Variants in ZNF516 observed in about 807,000 individuals in gnomAD.
ZNF516 encodes zinc finger protein 516.
Under a neutral mutation model 79.7 loss-of-function variants are expected in ZNF516, and 19 were observed. The ratio of observed to expected loss-of-function variants is 0.24; its 90% CI spans 0.17 to 0.35. The LOEUF (loss-of-function observed/expected upper bound fraction) is 0.35, where lower values mean the gene tolerates loss of function less well. Ranked by LOEUF, ZNF516 falls within the 10% of genes least tolerant of loss-of-function variation. ZNF516 has a pLI of 1.00. For synonymous variants in ZNF516, 877 were observed against 739.5 expected, an observed-to-expected ratio of 1.19 and a Z score of -3.02; for missense variants, 1,678 against 1,679.5, an observed-to-expected ratio of 1.00 and a Z score of 0.02.
chr18:76,395,572 C>T (rs1469204712), intron 3 of ZNF516, among the ~76,000 whole-genome samples: 2 of 152,094 alleles, frequency 1.3e-5, no homozygotes, highest in African/African-American at 4.8e-5. Context: ...GGGGCAGGTA[C>T]GGAATTCTGG....
At chr18:76,456,343 G>A (rs1912722529) in intron 2 of ZNF516, among the ~76,000 whole-genome samples, 1 of 152,208 alleles carries the variant, frequency 6.6e-6, no homozygotes, top group South Asian at 2.1e-4. Flanking sequence ...AAGCACGCTG[G>A]AGACCTTGCT....
chr18:76,387,716 G>C (rs1282943030), intron 3 of ZNF516: 1 of 152,304 alleles, frequency 6.6e-6, no homozygotes, highest in African/African-American at 2.4e-5. Context: ...ACAGAGGTCA[G>C]CTGGGAGCAG....
chr18:76,410,852 G>A (rs2075365473), intron 3 of ZNF516, among the ~76,000 whole-genome samples: 1 of 152,106 alleles, frequency 6.6e-6, no homozygotes. Flanking sequence ...CAAGATCTCA[G>A]GTTATAGCCA....
At position 76,441,838 on chromosome 18, in the gene ZNF516, C is replaced by T. The variant is rs1196778624; in HGVS notation, c.1217G>A (p.Arg406Gln). The change falls in exon 3 of 7, where the codon CGG becomes CAG. Residue 406 changes from arginine (R) to glutamine (Q), a missense_variant. Around this residue, in one of 5 missense-constraint regions of ZNF516, gnomAD observed 1,294 missense variants for 1,248.3 expected, o/e 1.04. Coordinates refer to ENST00000443185, the MANE Select transcript of ZNF516 (RefSeq NM_014643.4). ...GTTGACCGGGTCCAGCTCAGCCACC[C>T]GCCGTCCGGCCTGCGTGCCAGGGCA... Reference protein sequence around the residue: ...DSCPGTQAGRRVAELDPVNSY... With the variant: ...DSCPGTQAGRQVAELDPVNSY... 1.9e-6 allele frequency: 3 copies of T among 1,568,926 alleles called. No homozygotes were observed. The highest frequency in any genetic ancestry group is 2.6e-6 in the Non-Finnish European group (3 of 1,164,370).
At chr18:76,374,481 G>C (rs1267015279) in intron 4 of ZNF516, among the ~76,000 whole-genome samples, 1 of 152,176 alleles carries the variant, frequency 6.6e-6, no homozygotes, top group Non-Finnish European at 1.5e-5. Context: ...AGAGTTTTTA[G>C]ACTCTTCATA....
At chr18:76,431,651 G>A (rs796813361) in intron 3 of ZNF516, among the ~76,000 whole-genome samples, 9 of 152,274 alleles carry the variant, frequency 5.9e-5, no homozygotes, top group African/African-American at 1.7e-4. Flanking sequence ...CTGAGTTCAC[G>A]CGAGATCTGG....
intron 3 of ZNF516, among the ~76,000 whole-genome samples, chr18:76,405,456 C>T (rs1273165892): frequency 2.0e-5 from 3 of 152,158 alleles, no homozygotes; most frequent in Non-Finnish European, 4.4e-5. Context: ...CGGCAGGAGA[C>T]TCCGCAGTGC....
At chr18:76,424,382 T>C (rs1442107435) in intron 3 of ZNF516, among the ~76,000 whole-genome samples, 5 of 87,162 alleles carry the variant, frequency 5.7e-5, no homozygotes, top group African/African-American at 1.5e-4. Flanking sequence ...GGTGAAAGGG[T>C]CCCCCCCGAA....
chr18:76,367,516 T>C (rs560186723), intron 6 of ZNF516, among the ~76,000 whole-genome samples: 61 of 152,336 alleles, frequency 4.0e-4, no homozygotes, highest in South Asian at 1.9e-3. Flanking sequence ...CCACCCACTC[T>C]GGCTCTCCCT....
At chr18:76,408,415 G>A (rs934234573) in intron 3 of ZNF516, among the ~76,000 whole-genome samples, 8 of 152,244 alleles carry the variant, frequency 5.3e-5, no homozygotes, top group Admixed American at 6.5e-5. Context: ...AGTTCCAGCC[G>A]GGGTGAAACC....
At chr18:76,368,073 C>T (rs182693957) in intron 6 of ZNF516, among the ~76,000 whole-genome samples, 196 of 152,228 alleles carry the variant, frequency 1.3e-3, no homozygotes, top group African/African-American at 4.5e-3. Context: ...TGAAAAAGAA[C>T]ATGGCTGGTA....
chr18:76,388,061 A>C (rs1453535514), intron 3 of ZNF516: 1 of 152,176 alleles, frequency 6.6e-6, no homozygotes, highest in Non-Finnish European at 1.5e-5. Context: ...ACAGTCAGAG[A>C]GGAGGTCGGC....
intron 5 of ZNF516, 45 bp from the exon 6 acceptor site, chr18:76,370,640 C>T (rs751198570): frequency 5.3e-6 from 8 of 1,503,942 alleles, no homozygotes; most frequent in Admixed American, 2.1e-5. Flanking sequence ...TGTGAGCTTC[C>T]GGACGTGCAC....
chr18:76,441,262 G>A lies in ZNF516; in HGVS notation c.1793C>T (p.Ala598Val). 5.6e-6 allele frequency: 9 copies of A among 1,610,126 alleles called. No homozygotes were observed. The highest frequency in any genetic ancestry group is 6.8e-6 in the Non-Finnish European group (8 of 1,179,064). The change falls in exon 3 of 7, where the codon GCC becomes GTC. Residue 598 changes from alanine to valine, a missense_variant. Ala to Val is a moderately conservative substitution (Grantham distance 64). Around this residue, in one of 5 missense-constraint regions of ZNF516, gnomAD observed 1,294 missense variants for 1,248.3 expected, o/e 1.04. Transcript: ENST00000443185. ...TTGCTCACCTGGTGCAGGTTCAGGG[G>A]CGCCCTCCTCACCACTGTCTTCGGC... ...EAAEDSGEEG[A>V]PEPAPGGQPR... is the part of the protein sequence containing the mutation.
intron 4 of ZNF516, among the ~76,000 whole-genome samples, chr18:76,377,436 G>T (rs2074806229): frequency 6.6e-6 from 1 of 152,266 alleles, no homozygotes; most frequent in South Asian, 2.1e-4. Flanking sequence ...GTCTCCTACT[G>T]GAAAACACCT....
At chr18:76,440,742 TTGTGTGTG>T (rs138856557) in intron 3 of ZNF516, among the ~76,000 whole-genome samples, 9 of 149,942 alleles carry the variant, frequency 6.0e-5, no homozygotes, top group Admixed American at 2.6e-4. Flanking sequence ...GTGTGTGTGT[TTGTGTGTG>T]TGTGTGTGTG....
intron 1 of ZNF516, chr18:76,492,107 T>G: frequency 1.0e-6 from 1 of 956,094 alleles, no homozygotes; most frequent in African/African-American, 1.8e-5. Context: ...TGCAGGGGTC[T>G]CCGGGGAGGT....
intron 2 of ZNF516, among the ~76,000 whole-genome samples, chr18:76,455,536 G>A (rs1411482953): frequency 6.6e-6 from 1 of 152,218 alleles, no homozygotes; most frequent in African/African-American, 2.4e-5. Context: ...CTCCCATTCA[G>A]CAGGGTGTAA....
At chr18:76,413,060 G>A (rs1037379022) in intron 3 of ZNF516, among the ~76,000 whole-genome samples, 19 of 152,378 alleles carry the variant, frequency 1.2e-4, no homozygotes, top group African/African-American at 4.3e-4. Flanking sequence ...CAAGGCCTCT[G>A]TGAGGAAGCG....
Sources: allele counts gnomAD v4.1 joint callset (sites outside exome capture counted in the v4.1 genomes callset), GRCh38; gene constraint gnomAD v4.1.1; regional missense constraint gnomAD v4.1.1; transcripts MANE v1.5; gene names NCBI Gene and HGNC (gene_info 2026-07-23, HGNC 2026-07-21).